Variants in GRIN2B observed in about 807,000 individuals in gnomAD.
GRIN2B encodes glutamate receptor ionotropic, NMDA 2B.
GRIN2B carries 5 observed loss-of-function variants against 114.5 expected under a neutral mutation model. That is an observed-to-expected ratio of 0.04 (90% CI 0.02 to 0.09). The LOEUF (loss-of-function observed/expected upper bound fraction) is 0.09, where lower values mean the gene tolerates loss of function less well. GRIN2B is among the 10% of genes least tolerant of loss of function. The pLI, the probability that GRIN2B is intolerant of heterozygous loss-of-function variation, is 1.00. For missense variants in GRIN2B, 1,108 were observed against 1,943.5 expected, an observed-to-expected ratio of 0.57 and a Z score of 8.08; for synonymous variants, 787 against 745.1, an observed-to-expected ratio of 1.06 and a Z score of -0.92.
At chr12:13,740,397 TG>T (rs987255865) in intron 4 of GRIN2B, among the ~76,000 whole-genome samples, 142 of 152,254 alleles carry the variant, frequency 9.3e-4, no homozygotes, top group African/African-American at 3.1e-3. Flanking sequence ...TCCTACTGGA[TG>T]TGTCACTCAG....
intron 4 of GRIN2B, among the ~76,000 whole-genome samples, chr12:13,692,760 C>CTTTTTTTTTTTT (rs71067718): frequency 2.3e-4 from 12 of 52,110 alleles, no homozygotes; most frequent in South Asian, 5.9e-4. Context: ...TCTTTCTTTT[C>CTTTTTTTTTTTT]TTTTTTTTTT....
intron 5 of GRIN2B, among the ~76,000 whole-genome samples, chr12:13,620,860 G>T (rs1196855895): frequency 1.5e-5 from 2 of 137,148 alleles, no homozygotes; most frequent in Admixed American, 1.6e-4. Context: ...TTGCCTTAAA[G>T]TCGTTATTTT....
chr12:13,836,898 C>T (rs949613019), intron 3 of GRIN2B, among the ~76,000 whole-genome samples: 7 of 152,288 alleles, frequency 4.6e-5, no homozygotes, highest in East Asian at 1.9e-4. Context: ...TGATGAGCCC[C>T]GTACGGCCCG....
intron 3 of GRIN2B, among the ~76,000 whole-genome samples, chr12:13,843,527 A>G (rs958011010): frequency 1.8e-4 from 28 of 152,146 alleles, no homozygotes; most frequent in African/African-American, 6.8e-4. Flanking sequence ...CTTTCACAGG[A>G]TATTAAATCA....
intron 5 of GRIN2B, among the ~76,000 whole-genome samples, chr12:13,671,762 T>A (rs137963859): frequency 6.6e-6 from 1 of 152,264 alleles, no homozygotes; most frequent in African/African-American, 2.4e-5. Flanking sequence ...AGATTCTTCA[T>A]TTATTTAGCA....
intron 3 of GRIN2B, among the ~76,000 whole-genome samples, chr12:13,821,658 C>CTTGATCAT (rs1351997314): frequency 8.5e-5 from 13 of 152,294 alleles, no homozygotes; most frequent in Non-Finnish European, 1.8e-4. Context: ...GTGTAGTAAT[C>CTTGATCAT]TTGATCATTT....
intron 5 of GRIN2B, among the ~76,000 whole-genome samples, chr12:13,634,477 G>C (rs955534266): frequency 6.6e-6 from 1 of 152,186 alleles, no homozygotes; most frequent in Non-Finnish European, 1.5e-5. Context: ...TCTTCAACAG[G>C]AGTCTTCCAA....
At chr12:13,943,272 G>A (rs1241331872) in intron 2 of GRIN2B, among the ~76,000 whole-genome samples, 2 of 152,088 alleles carry the variant, frequency 1.3e-5, no homozygotes, top group East Asian at 3.9e-4. Flanking sequence ...TAAGCATTTT[G>A]CCCAGTTACA....
At chr12:13,849,397 C>G (rs965962374) in intron 3 of GRIN2B, among the ~76,000 whole-genome samples, 3 of 152,122 alleles carry the variant, frequency 2.0e-5, no homozygotes, top group Non-Finnish European at 4.4e-5. Flanking sequence ...TACTTCTCCC[C>G]TGCTTGGTCC....
chr12:13,846,934 G>C (rs1211252603), intron 3 of GRIN2B, among the ~76,000 whole-genome samples: 1 of 152,136 alleles, frequency 6.6e-6, no homozygotes, highest in East Asian at 1.9e-4. Flanking sequence ...CCAGGAGCGA[G>C]AGAGAAAGAG....
intron 3 of GRIN2B, among the ~76,000 whole-genome samples, chr12:13,799,951 T>C (rs1864478146): frequency 6.6e-6 from 1 of 152,082 alleles, no homozygotes; most frequent in Non-Finnish European, 1.5e-5. Flanking sequence ...AACCGCTCCA[T>C]AGTACTCTAT....
intron 4 of GRIN2B, among the ~76,000 whole-genome samples, chr12:13,680,668 A>G (rs1245959252): frequency 6.6e-6 from 1 of 152,118 alleles, no homozygotes; most frequent in Non-Finnish European, 1.5e-5. Context: ...GATGCAAAAC[A>G]ACTTTGCCAA....
At chr12:13,587,040 C>T (rs891451019) in intron 10 of GRIN2B, among the ~76,000 whole-genome samples, 1 of 152,276 alleles carries the variant, frequency 6.6e-6, no homozygotes, top group African/African-American at 2.4e-5. Context: ...TTCTTGCCTT[C>T]ATTGAGTTTA....
At chr12:13,933,619 G>A (rs190941453) in intron 2 of GRIN2B, among the ~76,000 whole-genome samples, 37 of 152,278 alleles carry the variant, frequency 2.4e-4, no homozygotes, top group Admixed American at 1.5e-3. Context: ...AGGGTATCAG[G>A]TATCAGCCAA....
intron 2 of GRIN2B, among the ~76,000 whole-genome samples, chr12:13,885,261 A>G (rs1313217697): frequency 6.6e-6 from 1 of 152,216 alleles, no homozygotes; most frequent in East Asian, 1.9e-4. Flanking sequence ...GTACATAAAA[A>G]TGCAGAAGTT....
intron 3 of GRIN2B, among the ~76,000 whole-genome samples, chr12:13,823,507 C>T (rs1864976319): frequency 1.3e-5 from 2 of 151,918 alleles, no homozygotes; most frequent in Admixed American, 6.6e-5. Flanking sequence ...TGTATATTAA[C>T]TTTGTATCTT....
At chr12:13,747,319 C>G (rs1863402640) in intron 4 of GRIN2B, among the ~76,000 whole-genome samples, 1 of 152,150 alleles carries the variant, frequency 6.6e-6, no homozygotes, top group Admixed American at 6.5e-5. Context: ...ATCTATATGT[C>G]TGATATGAGG....
At chr12:13,717,646 A>G (rs983458854) in intron 4 of GRIN2B, among the ~76,000 whole-genome samples, 4 of 152,088 alleles carry the variant, frequency 2.6e-5, no homozygotes, top group East Asian at 1.9e-4. Context: ...TCACAAAATC[A>G]TAACAGATGG....
chr12:13,979,913 T>C lies in GRIN2B; in HGVS notation c.-19+15A>G, dbSNP rs1047595194. The C allele has an allele frequency of 2.0e-5, 3 of 152,112 alleles. No individual in the cohort carries two copies. The highest frequency in any genetic ancestry group is 3.8e-4 in the East Asian group (2 of 5,200). The allele number at this position is 152,112 out of a possible 1,614,324, so 9.4% of individuals were successfully genotyped here. On this transcript the variant is annotated intron_variant, in intron 2 of 13. Coordinates refer to ENST00000609686, the MANE Select transcript of GRIN2B (RefSeq NM_000834.5). ...TACCCCAGGTGAGGAAAAAATAAAATAGAATTTGCCCTACCTTGGTTTGTA... is the reference window on the plus strand; with the variant it reads ...TACCCCAGGTGAGGAAAAAATAAAACAGAATTTGCCCTACCTTGGTTTGTA...
Sources: allele counts gnomAD v4.1 joint callset (sites outside exome capture counted in the v4.1 genomes callset), GRCh38; gene constraint gnomAD v4.1.1; transcripts MANE v1.5; gene names NCBI Gene and HGNC (gene_info 2026-07-23, HGNC 2026-07-21).